Variants in GABRR2 observed in about 807,000 individuals in gnomAD.
GABRR2 encodes the protein gamma-aminobutyric acid receptor subunit rho-2.
A neutral mutation model predicts 47.0 loss-of-function variants in GABRR2; 36 were observed. The observed-to-expected ratio is 0.77, with a 90% CI of 0.59 to 1.01. GABRR2 has a LOEUF of 1.01. GABRR2 is among the 50% of genes least tolerant of loss of function. GABRR2 has a pLI of 0.00. For missense variants in GABRR2, 587 were observed against 594.6 expected, an observed-to-expected ratio of 0.99 and a Z score of 0.13; for synonymous variants, 204 against 227.5, an observed-to-expected ratio of 0.90 and a Z score of 0.93.
chr6:89,269,206 T>A lies in GABRR2; in HGVS notation c.317A>T (p.His106Leu), dbSNP rs1482919694. 1 of 1,613,878 alleles carries A rather than the reference T, an allele frequency of 6.2e-7. No individual in the cohort carries two copies. The highest frequency in any genetic ancestry group is 1.3e-5 in the African/African-American group (1 of 74,920). Reference sequence around the variant, plus strand: ...AGCTAGCCTCTCATCCTTCCAGTAATGCCGCAGGTACAGGGTCATAGTGAA... The same window carrying A: ...AGCTAGCCTCTCATCCTTCCAGTAAAGCCGCAGGTACAGGGTCATAGTGAA... Reference protein sequence around the residue: ...MDFTMTLYLRHYWKDERLAFS... With the variant: ...MDFTMTLYLRLYWKDERLAFS... The change falls in exon 4 of 9, where the codon CAT becomes CTT. Residue 106 changes from histidine to leucine, a missense_variant. Transcript: ENST00000402938.
At position 89,257,458 on chromosome 6, in the gene GABRR2, G is replaced by A. The variant is rs1773624492; in HGVS notation, c.*212C>T. The A allele has an allele frequency of 5.2e-6, 3 of 575,110 alleles. No homozygotes were observed. Among genetic ancestry groups the A allele is most frequent in the South Asian group, 4.4e-5 (2 of 45,546 alleles). The allele number at this position is 575,110 out of a possible 1,614,324, so 35.6% of individuals were successfully genotyped here. On this transcript the variant is annotated 3_prime_UTR_variant, in exon 9 of 9. Coordinates refer to ENST00000402938, the MANE Select transcript of GABRR2 (RefSeq NM_002043.5). Reference sequence around the variant, plus strand: ...CCCAGAGAGATGTGAAGTGTGACGCGAGACAGCATGAACATGGAGCAGCCC... The same window carrying A: ...CCCAGAGAGATGTGAAGTGTGACGCAAGACAGCATGAACATGGAGCAGCCC...
intron 3 of GABRR2, among the ~76,000 whole-genome samples, 151 bp downstream of exon 3, chr6:89,271,503 GC>G (rs980448804): frequency 6.6e-6 from 1 of 152,142 alleles, no homozygotes; most frequent in African/African-American, 2.4e-5. Context: ...CAGCGAGAAT[GC>G]CCGCTTTAGA....
chr6:89,269,425 C>T (rs1343900672), intron 3 of GABRR2, 191 bp from the exon 4 acceptor site: 8 of 584,440 alleles, frequency 1.4e-5, no homozygotes, highest in Non-Finnish European at 2.4e-5. Flanking sequence ...ATGCATCATG[C>T]GCTTGGAGCC....
chr6:89,271,720 G>C lies in GABRR2; in HGVS notation c.223C>G (p.Pro75Ala), dbSNP rs1302844779. Residue 75 changes from proline to alanine, a missense_variant and splice_region_variant, in exon 3 of 9, where the codon CCT becomes GCT. Pro to Ala is a conservative substitution (Grantham distance 27, BLOSUM62 -1). Coordinates refer to ENST00000402938, the MANE Select transcript of GABRR2 (RefSeq NM_002043.5). Reference protein sequence around the residue: ...DFSMRPAFGGPAIPVGVDVQV... With the variant: ...DFSMRPAFGGAAIPVGVDVQV... Reference sequence around the variant, plus strand: ...ACGTCCACGCCCACCGGGATGGCAGGGCCTGCAGAAGAGCAGAGACAGCTG... The same window carrying C: ...ACGTCCACGCCCACCGGGATGGCAGCGCCTGCAGAAGAGCAGAGACAGCTG... 1 of 1,611,724 alleles carries C rather than the reference G, an allele frequency of 6.2e-7. No individual in the cohort carries two copies. Among genetic ancestry groups the C allele is most frequent in the East Asian group, 2.2e-5 (1 of 44,810 alleles).
chr6:89,304,321 T>A (rs1229538736), intron 1 of GABRR2, among the ~76,000 whole-genome samples: 2 of 152,072 alleles, frequency 1.3e-5, no homozygotes, highest in Non-Finnish European at 2.9e-5. Context: ...ATTCCAGCAC[T>A]TTGAGAGGCT....
rs183148190 is a variant in GABRR2, at chr6:89,289,826, A to G, written c.220+9933T>C. Among the ~76,000 whole-genome samples the G allele has an allele frequency of 1.9e-3, 295 of 152,374 alleles. 1 individual carries two copies. The highest frequency in any genetic ancestry group is 3.0e-3 in the Non-Finnish European group (201 of 68,036). On this transcript the variant is annotated intron_variant, in intron 2 of 8. Transcript: ENST00000402938. ...TTTAGCTCATGATTCTGGTGGCCAG[A>G]AAGTCCAAGAGCATGGCACTCACAT...
chr6:89,304,578 G>T, intron 1 of GABRR2, among the ~76,000 whole-genome samples: 1 of 140,280 alleles, frequency 7.1e-6, no homozygotes, highest in Non-Finnish European at 1.5e-5. Flanking sequence ...GAGAGAGTGA[G>T]ACTCCATCTC....
At chr6:89,276,591 T>C (rs1582447647) in intron 2 of GABRR2, among the ~76,000 whole-genome samples, 2 of 152,134 alleles carry the variant, frequency 1.3e-5, no homozygotes, top group African/African-American at 2.4e-5. Context: ...CCTTGGAAAT[T>C]GTAAATAAGA....
In GABRR2 at chr6:89,257,892, G is replaced by A. The variant is rs773781457; in HGVS notation, c.1176C>T (p.Tyr392=). The A allele has an allele frequency of 1.1e-5, 17 of 1,613,820 alleles. No homozygotes were observed. The highest frequency in any genetic ancestry group is 2.2e-5 in the East Asian group (1 of 44,902). Residue 392 remains tyrosine, a synonymous_variant, in exon 9 of 9, where the codon TAC becomes TAT. Coordinates refer to ENST00000402938, the MANE Select transcript of GABRR2 (RefSeq NM_002043.5). The part of the protein sequence containing the change: ...SESEANSLAG[Y]PRSHILTEEE... ...CTTCTGTCAGGATATGGCTTCTGGGGTACCCAGCCAGGCTGTTGGCCTCAG... is the reference window on the plus strand; with the variant it reads ...CTTCTGTCAGGATATGGCTTCTGGGATACCCAGCCAGGCTGTTGGCCTCAG...
rs1371906756 is a variant in GABRR2 at position 89,292,760 on chromosome 6, TACG to T, written c.220+6996_220+6998del. Among the ~76,000 whole-genome samples the T allele has an allele frequency of 5.8e-4, 31 of 53,062 alleles. 10 individuals are homozygous for T. The highest frequency in any genetic ancestry group is 2.0e-3 in the East Asian group (2 of 994). The allele number at this position is 53,062 out of a possible 152,430, so 34.8% of individuals were successfully genotyped here. A position where few individuals can be genotyped will look rare whatever the true frequency, so the allele number is the denominator to read the frequency against. On this transcript the variant is annotated intron_variant, in intron 2 of 8. Coordinates refer to ENST00000402938, the MANE Select transcript of GABRR2 (RefSeq NM_002043.5). ...CATATATAATCGTATATATCGTATA[TACG>T]ATATATCGTATATATCGTATATACG...
chr6:89,305,938 C>T (rs1767551366), intron 1 of GABRR2, among the ~76,000 whole-genome samples: 2 of 151,900 alleles, frequency 1.3e-5, no homozygotes, highest in Non-Finnish European at 2.9e-5. Flanking sequence ...ATGTATACCC[C>T]TGAACCTAAA....
At chr6:89,308,708 A>G (rs1767618187) in intron 1 of GABRR2, among the ~76,000 whole-genome samples, 1 of 152,046 alleles carries the variant, frequency 6.6e-6, no homozygotes, top group African/African-American at 2.4e-5. Flanking sequence ...CTTTCTCTCC[A>G]TTTAGTTCCT....
At chr6:89,275,409 G>T (rs1451770208) in intron 2 of GABRR2, among the ~76,000 whole-genome samples, 1 of 152,070 alleles carries the variant, frequency 6.6e-6, no homozygotes, top group Non-Finnish European at 1.5e-5. Context: ...AAGTAGCTGG[G>T]ATTACAGGTG....
At chr6:89,273,650 G>A (rs549559584) in intron 2 of GABRR2, among the ~76,000 whole-genome samples, 4 of 152,318 alleles carry the variant, frequency 2.6e-5, no homozygotes, top group South Asian at 2.1e-4. Flanking sequence ...TTTCTCCCCT[G>A]AGGGCCTTGC....
intron 2 of GABRR2, among the ~76,000 whole-genome samples, chr6:89,277,181 A>T (rs1774176360): frequency 6.6e-6 from 1 of 152,118 alleles, no homozygotes; most frequent in South Asian, 2.1e-4. Context: ...ATAGTAAGTG[A>T]GTTCTCTCAA....
intron 1 of GABRR2, among the ~76,000 whole-genome samples, chr6:89,305,214 G>A (rs1027577378): frequency 2.6e-5 from 4 of 152,140 alleles, no homozygotes; most frequent in African/African-American, 9.7e-5. Flanking sequence ...AATGAGCTGG[G>A]CATAGTGGTG....
intron 2 of GABRR2, among the ~76,000 whole-genome samples, chr6:89,281,732 G>A (rs1774256960): frequency 6.6e-6 from 1 of 152,050 alleles, no homozygotes; most frequent in South Asian, 2.1e-4. Flanking sequence ...GGCAAAAGGG[G>A]GCCCTTGAAT....
At chr6:89,294,473 C>A (rs765103658) in intron 2 of GABRR2, among the ~76,000 whole-genome samples, 42 of 152,088 alleles carry the variant, frequency 2.8e-4, no homozygotes, top group African/African-American at 9.9e-4. Context: ...AACACCATTC[C>A]ACAGGAAGTC....
intron 2 of GABRR2, among the ~76,000 whole-genome samples, chr6:89,276,397 C>G (rs1774160430): frequency 6.6e-6 from 1 of 151,960 alleles, no homozygotes; most frequent in Non-Finnish European, 1.5e-5. Context: ...TAAATTTCCA[C>G]ATTAACAGAC....
Sources: gnomAD v4.1 joint callset for allele counts (sites outside exome capture counted in the v4.1 genomes callset) on GRCh38, gnomAD v4.1.1 for gene constraint, MANE v1.5 for transcripts, NCBI Gene and HGNC (gene_info 2026-07-23, HGNC 2026-07-21) for gene names.